NR3C2: variants seen among roughly 807,000 people sequenced by gnomAD.
The protein encoded by NR3C2 is mineralocorticoid receptor.
NR3C2 carries 15 observed loss-of-function variants against 86.4 expected under a neutral mutation model. That is an observed-to-expected ratio of 0.17 (90% CI 0.12 to 0.27). The LOEUF is 0.27. Among genes scored for constraint, NR3C2 ranks in the 10% least tolerant of loss-of-function variants. NR3C2 has a pLI of 1.00. For missense variants in NR3C2, 960 were observed against 1,195.6 expected, an observed-to-expected ratio of 0.80 and a Z score of 2.91; for synonymous variants, 458 against 450.5, an observed-to-expected ratio of 1.02 and a Z score of -0.21.
intron 6 of NR3C2, among the ~76,000 whole-genome samples, chr4:148,143,014 T>C (rs1367177693): frequency 2.6e-5 from 4 of 152,228 alleles, no homozygotes; most frequent in African/African-American, 9.6e-5. Context: ...GCCGGTGCTA[T>C]GCCTCCTGTA....
chr4:148,094,290 T>C (rs1375010057), intron 8 of NR3C2, among the ~76,000 whole-genome samples: 2 of 152,194 alleles, frequency 1.3e-5, no homozygotes, highest in Admixed American at 6.5e-5. Flanking sequence ...TGTATAATGG[T>C]GCAGTGCTTT....
At chr4:148,239,104 G>A (rs1738888226) in intron 3 of NR3C2, among the ~76,000 whole-genome samples, 1 of 152,172 alleles carries the variant, frequency 6.6e-6, no homozygotes, top group African/African-American at 2.4e-5. Flanking sequence ...GAGAGGGACA[G>A]GCAGATTCCA....
In NR3C2 at chr4:148,435,984, G is replaced by T; in HGVS notation, c.877C>A (p.Leu293Met). The part of the protein sequence containing the change: ...SPVSSPNNVT[L>M]RSSVSSPANI... ...GCAGGGCTAGACACAGAGGATCTCA[G>T]AGTGACATTATTGGGACTGGAGACT... The change falls in exon 2 of 9, where the codon CTG (leucine) becomes ATG (methionine). Residue 293 changes from leucine (L) to methionine (M), a missense_variant. Leu to Met is a conservative substitution (Grantham distance 15). Around this residue, in one of 4 missense-constraint regions of NR3C2, gnomAD observed 680 missense variants for 719.0 expected, o/e 0.95. Coordinates refer to ENST00000358102, the MANE Select transcript of NR3C2 (RefSeq NM_000901.5). 6.2e-7 allele frequency: 1 copy of T among 1,614,218 alleles called. No homozygotes were observed. Among genetic ancestry groups the T allele is most frequent in the Non-Finnish European group, 8.5e-7 (1 of 1,180,040 alleles).
At chr4:148,120,614 C>T (rs1455665824) in intron 6 of NR3C2, among the ~76,000 whole-genome samples, 1 of 152,156 alleles carries the variant, frequency 6.6e-6, no homozygotes, top group Admixed American at 6.6e-5. Context: ...TACAGTGAGA[C>T]CATCCACAAA....
chr4:148,174,776 G>A (rs563064800), intron 4 of NR3C2, among the ~76,000 whole-genome samples: 10 of 152,040 alleles, frequency 6.6e-5, no homozygotes, highest in Middle Eastern at 3.2e-3. Context: ...TCTCCTCCTC[G>A]GTTTTCATCC....
At chr4:148,244,502 T>A (rs960975941) in intron 3 of NR3C2, among the ~76,000 whole-genome samples, 3 of 152,186 alleles carry the variant, frequency 2.0e-5, no homozygotes, top group African/African-American at 7.2e-5. Context: ...AGATCTTGCC[T>A]AAATTACTTA....
intron 1 of NR3C2, among the ~76,000 whole-genome samples, chr4:148,441,405 A>C (rs2126670958): frequency 6.6e-6 from 1 of 152,352 alleles, no homozygotes; most frequent in African/African-American, 2.4e-5. Context: ...AAATGTTAGG[A>C]AGCAATTTGG....
At chr4:148,216,165 T>C (rs542607294) in intron 3 of NR3C2, among the ~76,000 whole-genome samples, 1 of 152,292 alleles carries the variant, frequency 6.6e-6, no homozygotes, top group African/African-American at 2.4e-5. Context: ...ACTTTATTTA[T>C]TAACACTGAA....
intron 3 of NR3C2, among the ~76,000 whole-genome samples, chr4:148,236,862 C>CA (rs1363696777): frequency 2.6e-5 from 4 of 152,100 alleles, no homozygotes; most frequent in Non-Finnish European, 4.4e-5. Flanking sequence ...CACATCGATG[C>CA]AAAAACACTT....
intron 2 of NR3C2, among the ~76,000 whole-genome samples, chr4:148,323,104 A>C (rs1445906818): frequency 6.8e-6 from 1 of 148,144 alleles, no homozygotes; most frequent in Admixed American, 6.8e-5. Context: ...AACAGACAGG[A>C]CCCTCAGCTG....
chr4:148,242,134 G>A (rs1321199367), intron 3 of NR3C2, among the ~76,000 whole-genome samples: 1 of 152,106 alleles, frequency 6.6e-6, no homozygotes, highest in African/African-American at 2.4e-5. Flanking sequence ...TGGTGATATG[G>A]TTGCATAACA....
intron 2 of NR3C2, among the ~76,000 whole-genome samples, chr4:148,275,457 T>A (rs1437585358): frequency 6.6e-6 from 1 of 151,388 alleles, no homozygotes; most frequent in East Asian, 1.9e-4. Context: ...TGAGACAGAG[T>A]TTCACTCTTG....
chr4:148,438,695 A>G (rs1298606633), intron 1 of NR3C2, among the ~76,000 whole-genome samples: 1 of 152,218 alleles, frequency 6.6e-6, no homozygotes, highest in African/African-American at 2.4e-5. Flanking sequence ...GCATTAGATA[A>G]ATCTTAGCTG....
chr4:148,259,742 A>G (rs1471305560), intron 3 of NR3C2, among the ~76,000 whole-genome samples: 2 of 152,226 alleles, frequency 1.3e-5, no homozygotes, highest in Non-Finnish European at 2.9e-5. Flanking sequence ...TGTGACAAAC[A>G]ACAAAAAATC....
chr4:148,430,016 GCTCCTAA>G (rs1479167048), intron 2 of NR3C2, among the ~76,000 whole-genome samples: 1 of 152,164 alleles, frequency 6.6e-6, no homozygotes, highest in Admixed American at 6.5e-5. Flanking sequence ...GCAAAGTGTT[GCTCCTAA>G]ATTAGTGGTG....
intron 4 of NR3C2, among the ~76,000 whole-genome samples, chr4:148,156,411 T>C (rs1450989519): frequency 6.6e-6 from 1 of 151,576 alleles, no homozygotes; most frequent in Non-Finnish European, 1.5e-5. Context: ...CAAACAAATT[T>C]ACAAGAAAAA....
intron 2 of NR3C2, among the ~76,000 whole-genome samples, chr4:148,291,768 TG>T (rs1201036435): frequency 1.3e-5 from 2 of 152,126 alleles, no homozygotes; most frequent in African/African-American, 4.8e-5. Context: ...CTTCTTACAA[TG>T]GGGTTATTTC....
upstream of NR3C2, among the ~76,000 whole-genome samples, chr4:148,443,753 C>T (rs1750467034): frequency 6.6e-6 from 1 of 152,114 alleles, no homozygotes. Flanking sequence ...CCTCCCGCCT[C>T]ACCCTCGCTT....
intron 2 of NR3C2, among the ~76,000 whole-genome samples, chr4:148,349,169 C>G (rs1445367249): frequency 6.6e-6 from 1 of 152,094 alleles, no homozygotes; most frequent in Non-Finnish European, 1.5e-5. Flanking sequence ...TACCATTAAC[C>G]CAGAACCTGA....
Sources: allele counts gnomAD v4.1 joint callset (sites outside exome capture counted in the v4.1 genomes callset), GRCh38; gene constraint gnomAD v4.1.1; regional missense constraint gnomAD v4.1.1; transcripts MANE v1.5; gene names NCBI Gene and HGNC (gene_info 2026-07-23, HGNC 2026-07-21).